Variants in ADGRG6 observed in about 807,000 individuals in gnomAD.
The protein encoded by ADGRG6 is G-protein coupled receptor 126.
In ADGRG6, 84 loss-of-function variants were observed where a neutral mutation model predicts 142.4. That is an observed-to-expected ratio of 0.59 (90% CI 0.49 to 0.71). ADGRG6 has a LOEUF of 0.71. Among genes scored for constraint, ADGRG6 ranks in the 30% least tolerant of loss-of-function variants. The pLI is 0.00. For synonymous variants in ADGRG6, 521 were observed against 520.5 expected (o/e 1.00, Z -0.01); for missense variants, 1,367 against 1,466.6 (o/e 0.93, Z 1.11).
Position 142,391,034 on chromosome 6 carries a change from C to T in ADGRG6, c.1308+691C>T, listed in dbSNP as rs147240405. Among the ~76,000 whole-genome samples, 85 of 151,838 alleles carry T rather than the reference C, an allele frequency of 5.6e-4. 2 individuals carry two copies. The East Asian group carries it at 0.012, about 21-fold the overall frequency. ...TGTGGCTGTTCAGTCATTTATTTAG[C>T]AGATCTTCTGTTGATGGACAGTTAG... On this transcript the variant is annotated intron_variant, in intron 7 of 24. Coordinates refer to ENST00000367609, the MANE Select transcript of ADGRG6 (RefSeq NM_198569.3).
In ADGRG6 at chr6:142,370,262, C is replaced by G; in HGVS notation, c.538C>G (p.Leu180Val). The G allele has an allele frequency of 6.2e-7, 1 of 1,613,586 alleles. No homozygotes were observed. Among genetic ancestry groups the G allele is most frequent in the Non-Finnish European group, 8.5e-7 (1 of 1,179,578 alleles). ...SVAKSISIPELSAFTLCFEAT... is the reference protein window; with the variant it reads ...SVAKSISIPEVSAFTLCFEAT... ...TGCAAAAAGCATCTCTATTCCAGAG[C>G]TCAGTGCTTTCACACTCTGCTTTGA... The change falls in exon 4 of 25, where the codon CTC (leucine) becomes GTC (valine). Residue 180 changes from leucine (L) to valine (V), a missense_variant. By Grantham distance (32) the Leu-to-Val change is conservative. Coordinates refer to ENST00000367609, the MANE Select transcript of ADGRG6 (RefSeq NM_198569.3).
rs899238397 is a variant in ADGRG6 at position 142,321,694 on chromosome 6, C to T, written c.103+12050C>T. Among the ~76,000 whole-genome samples the T allele has an allele frequency of 5.3e-5, 8 of 152,002 alleles. No homozygotes were observed. In the East Asian group the frequency reaches 9.7e-4, roughly 18 times the overall value. On this transcript the variant is annotated intron_variant, in intron 2 of 24. Transcript: ENST00000367609. Reference sequence around the variant, plus strand: ...AACACTGGTGGCCTCTAGGGAGCAACGGACTGGAAGGAGATATGGTAAGAT... The same window carrying T: ...AACACTGGTGGCCTCTAGGGAGCAATGGACTGGAAGGAGATATGGTAAGAT...
chr6:142,315,644 A>G (rs1162314440), intron 2 of ADGRG6, among the ~76,000 whole-genome samples: 1 of 152,032 alleles, frequency 6.6e-6, no homozygotes, highest in Admixed American at 6.6e-5. Context: ...CAGCCTGGCC[A>G]ACATGGTGAA....
rs544710702 is a variant in ADGRG6 at position 142,354,348 on chromosome 6, G to A, written c.104-13221G>A. ...CAGTGAACTGAGATCGTGCCATTGC[G>A]CTCTAGCTTGGGTGACAGAGCGAGT... On this transcript the variant is annotated intron_variant, in intron 2 of 24. Transcript: ENST00000367609. Among the ~76,000 whole-genome samples the A allele has an allele frequency of 1.9e-4, 29 of 152,166 alleles. No homozygotes were observed. In the South Asian group the frequency reaches 5.2e-3, roughly 27 times the overall value.
chr6:142,338,352 A>G (rs1779451831), intron 2 of ADGRG6, among the ~76,000 whole-genome samples: 1 of 151,686 alleles, frequency 6.6e-6, no homozygotes, highest in East Asian at 1.9e-4. Flanking sequence ...AGGAGACTAA[A>G]TCTTTGAATT....
chr6:142,383,786 C>G lies in ADGRG6; in HGVS notation c.1165C>G (p.Pro389Ala). The G allele has an allele frequency of 6.3e-7, 1 of 1,576,504 alleles. No homozygotes were observed. The highest frequency in any genetic ancestry group is 8.7e-7 in the Non-Finnish European group (1 of 1,146,370). ...QATVNSPSTT[P>A]PTVTTNMPVT... Reference sequence around the variant, plus strand: ...TACTGTAAACTCTCCTAGTACTACACCACCCACTGTCACCACTAACATGCC... The same window carrying G: ...TACTGTAAACTCTCCTAGTACTACAGCACCCACTGTCACCACTAACATGCC... The change falls in exon 6 of 25, where the codon CCA (proline) becomes GCA (alanine). Residue 389 changes from proline to alanine, a missense_variant. Pro to Ala is a conservative substitution (Grantham distance 27). Coordinates refer to ENST00000367609, the MANE Select transcript of ADGRG6 (RefSeq NM_198569.3).
intron 12 of ADGRG6, among the ~76,000 whole-genome samples, 159 bp downstream of exon 12, chr6:142,402,217 T>A (rs1451732890): frequency 6.6e-6 from 1 of 152,166 alleles, no homozygotes; most frequent in East Asian, 1.9e-4. Flanking sequence ...TACTTTTTAC[T>A]CTCATTTTAA....
chr6:142,378,300 C>G (rs922919936), intron 4 of ADGRG6, among the ~76,000 whole-genome samples: 2 of 152,170 alleles, frequency 1.3e-5, no homozygotes, highest in African/African-American at 4.8e-5. Context: ...GATATTGTAT[C>G]AGTGCCAGAA....
intron 2 of ADGRG6, among the ~76,000 whole-genome samples, chr6:142,332,558 A>T (rs981825776): frequency 6.6e-6 from 1 of 151,306 alleles, no homozygotes; most frequent in African/African-American, 2.4e-5. Flanking sequence ...TTAGATAATG[A>T]GCCACCTCAT....
At position 142,373,544 on chromosome 6, in the gene ADGRG6, A is replaced by G. The variant is rs370895069; in HGVS notation, c.1069+2751A>G. Among the ~76,000 whole-genome samples, 33 of 152,230 alleles carry G rather than the reference A, an allele frequency of 2.2e-4. No homozygotes were observed. In the East Asian group the frequency reaches 3.3e-3, roughly 15 times the overall value. ...TGTAACAGGCCATGCATTTTTGTTTACTTGTTTGTTTAGAGACGGGGTTTC... is the reference window on the plus strand; with the variant it reads ...TGTAACAGGCCATGCATTTTTGTTTGCTTGTTTGTTTAGAGACGGGGTTTC... On this transcript the variant is annotated intron_variant, in intron 4 of 24. Transcript: ENST00000367609.
At chr6:142,386,290 C>T (rs536987102) in intron 6 of ADGRG6, among the ~76,000 whole-genome samples, 1 of 152,120 alleles carries the variant, frequency 6.6e-6, no homozygotes, top group Non-Finnish European at 1.5e-5. Context: ...GTAATGAAAC[C>T]AATCTTACCA....
intron 2 of ADGRG6, among the ~76,000 whole-genome samples, chr6:142,343,763 A>G (rs1215005439): frequency 1.3e-5 from 2 of 151,910 alleles, no homozygotes; most frequent in Non-Finnish European, 2.9e-5. Context: ...TCAAAAGCCA[A>G]TTGTGCAGTT....
chr6:142,327,253 A>C (rs941767212), intron 2 of ADGRG6, among the ~76,000 whole-genome samples: 2 of 152,184 alleles, frequency 1.3e-5, no homozygotes, highest in East Asian at 1.9e-4. Flanking sequence ...CAAAAAGATA[A>C]AAAGAGGAAT....
At chr6:142,347,401 G>A (rs1467421725) in intron 2 of ADGRG6, among the ~76,000 whole-genome samples, 1 of 152,152 alleles carries the variant, frequency 6.6e-6, no homozygotes, top group African/African-American at 2.4e-5. Context: ...GATATATAAT[G>A]AGAAATATTT....
intron 5 of ADGRG6, among the ~76,000 whole-genome samples, chr6:142,382,519 G>A (rs1171725867): frequency 6.6e-6 from 1 of 152,142 alleles, no homozygotes; most frequent in African/African-American, 2.4e-5. Context: ...TAATGTAACT[G>A]TGTTAATTAT....
intron 2 of ADGRG6, among the ~76,000 whole-genome samples, chr6:142,316,884 C>T (rs1351738413): frequency 6.6e-6 from 1 of 151,926 alleles, no homozygotes; most frequent in Non-Finnish European, 1.5e-5. Context: ...CCAGAATTCT[C>T]CTCATCAGAT....
At chr6:142,371,299 A>G (rs1335263805) in intron 4 of ADGRG6, among the ~76,000 whole-genome samples, 1 of 151,420 alleles carries the variant, frequency 6.6e-6, no homozygotes. Context: ...AGTATCTGGG[A>G]CCACAGGCGT....
intron 1 of ADGRG6, among the ~76,000 whole-genome samples, chr6:142,306,889 A>G (rs1000329509): frequency 5.3e-5 from 8 of 152,144 alleles, no homozygotes; most frequent in Admixed American, 5.2e-4. Flanking sequence ...AAAGTGGATG[A>G]AAGTTGGCCT....
At chr6:142,332,631 T>C (rs1437793266) in intron 2 of ADGRG6, among the ~76,000 whole-genome samples, 1 of 152,198 alleles carries the variant, frequency 6.6e-6, no homozygotes, top group African/African-American at 2.4e-5. Context: ...GGGGCTTGGA[T>C]GTCATGTGGA....
Sources: gnomAD v4.1 joint callset for allele counts (sites outside exome capture counted in the v4.1 genomes callset) on GRCh38, gnomAD v4.1.1 for gene constraint, MANE v1.5 for transcripts, NCBI Gene and HGNC (gene_info 2026-07-23, HGNC 2026-07-21) for gene names.